DCDC2C: variants seen among roughly 807,000 people sequenced by gnomAD.
The protein encoded by DCDC2C is doublecortin domain-containing protein 2C.
A neutral mutation model predicts 45.0 loss-of-function variants in DCDC2C; 44 were observed. The observed-to-expected ratio is 0.98, with a 90% CI of 0.77 to 1.26. DCDC2C has a LOEUF of 1.26. Among genes scored for constraint, DCDC2C ranks in the 50% most tolerant of loss-of-function variants. The pLI, the probability that DCDC2C is intolerant of heterozygous loss-of-function variation, is 0.00. For missense variants in DCDC2C, 447 were observed against 468.9 expected, an observed-to-expected ratio of 0.95 and a Z score of 0.43; for synonymous variants, 187 against 178.8, an observed-to-expected ratio of 1.05 and a Z score of -0.37.
intron 3 of DCDC2C, among the ~76,000 whole-genome samples, chr2:3,740,574 C>T (rs1444588197): frequency 6.6e-6 from 1 of 152,192 alleles, no homozygotes; most frequent in Non-Finnish European, 1.5e-5. Context: ...GAAAAACTTG[C>T]AGCCTAAACC....
At chr2:3,725,738 TC>T (rs1352383437) in intron 2 of DCDC2C, among the ~76,000 whole-genome samples, 1 of 93,546 alleles carries the variant, frequency 1.1e-5, no homozygotes, top group Non-Finnish European at 2.1e-5. Flanking sequence ...GCCAGGTGGA[TC>T]CCGGAGAGAG....
rs1558249344 is a variant in DCDC2C, at chr2:3,837,047, A to ATAGT, written c.1066-10106_1066-10105insAGTT. Among the ~76,000 whole-genome samples, 6 of 152,264 alleles carry ATAGT rather than the reference A, an allele frequency of 3.9e-5. No homozygotes were observed. In the South Asian group the frequency reaches 6.2e-4, roughly 16 times the overall value. On this transcript the variant is annotated intron_variant, in intron 10 of 10. Transcript: ENST00000399143. The stretch of plus-strand genomic sequence containing the variant: ...TGTCTACAGAGCGGAGGAAAAAGGA[A>ATAGT]TTGTTTGGTTGGAATCCTTCAGCCT...
intron 6 of DCDC2C, among the ~76,000 whole-genome samples, chr2:3,759,853 T>A (rs1409512961): frequency 6.6e-6 from 1 of 152,248 alleles, no homozygotes; most frequent in Non-Finnish European, 1.5e-5. Context: ...CTCCTTTGCA[T>A]CTAACAGATG....
intron 2 of DCDC2C, among the ~76,000 whole-genome samples, chr2:3,715,842 T>C (rs1668338054): frequency 6.6e-6 from 1 of 152,134 alleles, no homozygotes; most frequent in African/African-American, 2.4e-5. Context: ...GTGAGACAGA[T>C]AATAAACAAA....
intron 10 of DCDC2C, among the ~76,000 whole-genome samples, chr2:3,817,979 C>T (rs113149840): frequency 0.12 from 17,946 of 151,930 alleles, 1,337 homozygotes; most frequent in East Asian, 0.18. Flanking sequence ...GGAGATTAGC[C>T]GGACACAATC....
intron 10 of DCDC2C, among the ~76,000 whole-genome samples, chr2:3,807,055 C>G (rs149510741): frequency 3.3e-5 from 5 of 149,296 alleles, no homozygotes; most frequent in African/African-American, 1.2e-4. Flanking sequence ...AGTGTATTAT[C>G]TTGGGACTTT....
intron 10 of DCDC2C, among the ~76,000 whole-genome samples, chr2:3,834,239 G>A (rs778979673): frequency 6.6e-6 from 1 of 151,926 alleles, no homozygotes; most frequent in Non-Finnish European, 1.5e-5. Flanking sequence ...GCTCTCTCTT[G>A]GTGTTCCACA....
At position 3,767,849 on chromosome 2, in the gene DCDC2C, A is replaced by G. The variant is rs1424102015; in HGVS notation, c.822A>G (p.Thr274=). ...VYYAKEEKKK[T]LAEPLVQRGA... is the part of the protein sequence containing the mutation. ...ATGCCAAAGAAGAAAAGAAGAAAAC[A>G]TTGGCAGAACCTTTAGTCCAAAGGG... is the stretch of plus-strand genomic sequence containing the variant. Residue 274 remains threonine, a synonymous_variant, in exon 7 of 11, where the codon ACA becomes ACG. Coordinates refer to ENST00000399143, the MANE Select transcript of DCDC2C (RefSeq NM_001287444.2). 3.9e-6 allele frequency: 6 copies of G among 1,542,512 alleles called. No individual in the cohort carries two copies. Among genetic ancestry groups the G allele is most frequent in the African/African-American group, 2.8e-5 (2 of 72,258 alleles).
intron 10 of DCDC2C, among the ~76,000 whole-genome samples, chr2:3,786,286 C>G (rs1670649835): frequency 6.6e-6 from 1 of 150,560 alleles, no homozygotes; most frequent in South Asian, 2.1e-4. Flanking sequence ...CGCCCCCGCC[C>G]TCCACGTGCA....
At chr2:3,727,183 C>T in intron 3 of DCDC2C, 104 bp downstream of exon 3, 3 of 835,932 alleles carry the variant, frequency 3.6e-6, no homozygotes, top group Non-Finnish European at 5.8e-6. Context: ...TCTGTCCCTC[C>T]TCCCCTCCCC....
intron 10 of DCDC2C, among the ~76,000 whole-genome samples, chr2:3,793,990 G>A (rs529354622): frequency 3.3e-5 from 5 of 152,318 alleles, no homozygotes; most frequent in African/African-American, 9.6e-5. Flanking sequence ...ATATTCTTTG[G>A]TACTACACCA....
chr2:3,750,618 C>T (rs1041873443), intron 4 of DCDC2C, among the ~76,000 whole-genome samples: 6 of 152,038 alleles, frequency 3.9e-5, no homozygotes, highest in Non-Finnish European at 7.4e-5. Flanking sequence ...TCCTGCCGGG[C>T]GGTATGGCCA....
At chr2:3,767,990 T>G in intron 7 of DCDC2C, 110 bp downstream of exon 7, 1 of 1,181,588 alleles carries the variant, frequency 8.5e-7, no homozygotes, top group Non-Finnish European at 1.1e-6. Context: ...ATTGTTTGAC[T>G]TGTAACTATC....
Position 3,799,873 on chromosome 2 carries a change from C to G in DCDC2C, c.1065+14773C>G, listed in dbSNP as rs530883456. Among the ~76,000 whole-genome samples, 3 of 152,380 alleles carry G rather than the reference C, an allele frequency of 2.0e-5. No homozygotes were observed. The South Asian group carries it at 6.2e-4, about 32-fold the overall frequency. On this transcript the variant is annotated intron_variant, in intron 10 of 10. Transcript: ENST00000399143. The stretch of plus-strand genomic sequence containing the variant: ...GGAGCCTGCAGAGGCAGGCAGGCCT[C>G]CTTGAGCTGTGATGGGCTCCACCCA...
At chr2:3,782,550 C>T (rs1350101238) in intron 9 of DCDC2C, among the ~76,000 whole-genome samples, 1 of 151,426 alleles carries the variant, frequency 6.6e-6, no homozygotes, top group African/African-American at 2.4e-5. Flanking sequence ...GCTATCTCGG[C>T]TCACTGCAAG....
intron 8 of DCDC2C, among the ~76,000 whole-genome samples, chr2:3,776,394 T>C (rs1366139916): frequency 6.6e-6 from 1 of 152,124 alleles, no homozygotes; most frequent in East Asian, 1.9e-4. Context: ...CTTCTGTCCA[T>C]AGTGGCAAAA....
At position 3,785,046 on chromosome 2, in the gene DCDC2C, T is replaced by G; in HGVS notation, c.1024-13T>G. 1.6e-6 allele frequency: 2 copies of G among 1,231,352 alleles called. No homozygotes were observed. Among genetic ancestry groups the G allele is most frequent in the Non-Finnish European group, 2.0e-6 (2 of 987,624 alleles). 76.3% of individuals were successfully genotyped at this position (1,231,352 alleles called of 1,614,324 possible). A position where few individuals can be genotyped will look rare whatever the true frequency, so the allele number is the denominator to read the frequency against. ...TGCGATAGTTGATTCCTATATTTGTTTTTTCATACTAGGATAAAGAAGATG... is the reference window on the plus strand; with the variant it reads ...TGCGATAGTTGATTCCTATATTTGTGTTTTCATACTAGGATAAAGAAGATG... On this transcript the variant is annotated splice_polypyrimidine_tract_variant and intron_variant, in intron 9 of 10. Coordinates refer to ENST00000399143, the MANE Select transcript of DCDC2C (RefSeq NM_001287444.2).
intron 10 of DCDC2C, among the ~76,000 whole-genome samples, chr2:3,803,780 C>T (rs1308610552): frequency 6.6e-6 from 1 of 152,224 alleles, no homozygotes; most frequent in Admixed American, 6.5e-5. Context: ...AGCCATTCTG[C>T]AGGTTCCTTC....
chr2:3,771,447 G>A lies in DCDC2C; in HGVS notation c.954+2036G>A, dbSNP rs551479474. On this transcript the variant is annotated intron_variant, in intron 8 of 10. Coordinates refer to ENST00000399143, the MANE Select transcript of DCDC2C (RefSeq NM_001287444.2). ...CTGCATCTTTGAAAATGCACACGTG[G>A]GAGGCGCCACTCTCATATCTCTCCT... Among the ~76,000 whole-genome samples the A allele has an allele frequency of 1.2e-4, 18 of 152,326 alleles. No individual in the cohort carries two copies. In the South Asian group the frequency reaches 3.3e-3, roughly 28 times the overall value.
Sources: gnomAD v4.1 joint callset for allele counts (sites outside exome capture counted in the v4.1 genomes callset) on GRCh38, gnomAD v4.1.1 for gene constraint, MANE v1.5 for transcripts, NCBI Gene and HGNC (gene_info 2026-07-23, HGNC 2026-07-21) for gene names.